The following AGBL1 variants were observed in gnomAD, a reference collection of about 807,000 sequenced individuals.
The protein encoded by AGBL1 is AGBL carboxypeptidase 1.
A neutral mutation model predicts 118.9 loss-of-function variants in AGBL1; 130 were observed. That is an observed-to-expected ratio of 1.09 (90% CI 0.95 to 1.26). AGBL1 has a LOEUF of 1.26. Ranked by LOEUF, AGBL1 falls within the 50% of genes most tolerant of loss-of-function variation. The pLI, the probability that AGBL1 is intolerant of heterozygous loss-of-function variation, is 0.00. For synonymous variants in AGBL1, 555 were observed against 478.9 expected (o/e 1.16, Z -2.08); for missense variants, 1,584 against 1,298.1 (o/e 1.22, Z -3.38).
chr15:86,668,991 C>T (rs2085694426), intron 21 of AGBL1, among the ~76,000 whole-genome samples: 1 of 152,124 alleles, frequency 6.6e-6, no homozygotes, highest in Non-Finnish European at 1.5e-5. Context: ...AAAATTCTCT[C>T]TATAGTGGTT....
chr15:86,374,468 G>T (rs557197127), intron 17 of AGBL1, among the ~76,000 whole-genome samples: 1 of 152,184 alleles, frequency 6.6e-6, no homozygotes, highest in African/African-American at 2.4e-5. Context: ...CATGTGACTT[G>T]TCTTGTGTAT....
At chr15:86,938,092 T>C (rs1296358033) in intron 23 of AGBL1, among the ~76,000 whole-genome samples, 2 of 152,176 alleles carry the variant, frequency 1.3e-5, no homozygotes, top group Admixed American at 1.3e-4. Flanking sequence ...CAGCAACATA[T>C]CCATTCCAAG....
Position 86,442,183 on chromosome 15 carries a change from G to A in AGBL1, c.2555+44637G>A, listed in dbSNP as rs557556172. 1.3e-3 allele frequency among the ~76,000 whole-genome samples: 203 copies of A among 152,286 alleles called. 1 individual carries two copies. The highest frequency in any genetic ancestry group is 4.7e-3 in the African/African-American group (197 of 41,544). ...GTGTGGTATTCAGCTAGGTTTAAAG[G>A]CATATGGTCAGGTCAGAAAAAGAAA... On this transcript the variant is annotated intron_variant, in intron 18 of 22. Coordinates refer to ENST00000614907, the MANE Select transcript of AGBL1 (RefSeq NM_001386094.1).
At chr15:86,630,612 G>A (rs1477277020) in intron 21 of AGBL1, 2 of 152,248 alleles carry the variant, frequency 1.3e-5, no homozygotes, top group East Asian at 3.9e-4. Context: ...TCTTTGAGTT[G>A]TCTTAATTCC....
At chr15:86,327,738 A>C (rs1335139310) in intron 17 of AGBL1, among the ~76,000 whole-genome samples, 1 of 152,234 alleles carries the variant, frequency 6.6e-6, no homozygotes, top group Non-Finnish European at 1.5e-5. Flanking sequence ...AAAACTCAGA[A>C]AGGAATCAGA....
chr15:86,776,391 T>G (rs2078255381), intron 22 of AGBL1, among the ~76,000 whole-genome samples: 1 of 152,084 alleles, frequency 6.6e-6, no homozygotes, highest in Non-Finnish European at 1.5e-5. Context: ...TTTACCTTCA[T>G]TTTCTGATTA....
intron 18 of AGBL1, among the ~76,000 whole-genome samples, chr15:86,443,828 C>T (rs1368819473): frequency 6.6e-6 from 1 of 151,692 alleles, no homozygotes; most frequent in Non-Finnish European, 1.5e-5. Context: ...ATATAGGCCA[C>T]ATTTTCTTTA....
Position 86,301,045 on chromosome 15 carries a change from T to G in AGBL1, c.2374+5637T>G, listed in dbSNP as rs918076020. Among the ~76,000 whole-genome samples, 15 of 152,212 alleles carry G rather than the reference T, an allele frequency of 9.9e-5. 1 individual carries two copies. Among genetic ancestry groups the G allele is most frequent in the African/African-American group, 3.6e-4 (15 of 41,468 alleles). On this transcript the variant is annotated intron_variant, in intron 17 of 22. Coordinates refer to ENST00000614907, the MANE Select transcript of AGBL1 (RefSeq NM_001386094.1). ...ATCATTTTCCACTCTCTCTGGCCTT[T>G]GTCTCTTTCTAAGCCTCCTGATCAG...
intron 22 of AGBL1, among the ~76,000 whole-genome samples, chr15:86,857,810 C>G (rs2079504814): frequency 6.6e-6 from 1 of 152,206 alleles, no homozygotes; most frequent in Non-Finnish European, 1.5e-5. Flanking sequence ...TAAATATTCA[C>G]TGGCATGATG....
At chr15:86,497,082 G>C (rs2082863804) in intron 18 of AGBL1, among the ~76,000 whole-genome samples, 2 of 151,852 alleles carry the variant, frequency 1.3e-5, no homozygotes, top group South Asian at 4.2e-4. Flanking sequence ...TAGCAAAGCT[G>C]ACTTATCTAG....
At chr15:86,810,453 C>A (rs1275552153) in intron 22 of AGBL1, among the ~76,000 whole-genome samples, 1 of 152,064 alleles carries the variant, frequency 6.6e-6, no homozygotes, top group Non-Finnish European at 1.5e-5. Flanking sequence ...TTTCTTCTTG[C>A]CATTTTTCTC....
At chr15:86,118,232 C>A (rs1897879514) in intron 1 of AGBL1, among the ~76,000 whole-genome samples, 1 of 152,152 alleles carries the variant, frequency 6.6e-6, no homozygotes, top group Non-Finnish European at 1.5e-5. Flanking sequence ...AGCCCTAGTT[C>A]ATCTTGTCTT....
intron 17 of AGBL1, among the ~76,000 whole-genome samples, chr15:86,314,222 C>T (rs1388862684): frequency 1.3e-5 from 2 of 152,220 alleles, no homozygotes; most frequent in African/African-American, 4.8e-5. Context: ...AATGGCCTCC[C>T]ACTCTGAGAG....
At chr15:86,437,915 C>G (rs1479860532) in intron 18 of AGBL1, among the ~76,000 whole-genome samples, 1 of 151,852 alleles carries the variant, frequency 6.6e-6, no homozygotes, top group Admixed American at 6.6e-5. Flanking sequence ...TTTTCTTTCT[C>G]TTTTTTTGGA....
At chr15:87,009,030 A>C (rs921858123) in intron 24 of AGBL1, among the ~76,000 whole-genome samples, 1 of 152,156 alleles carries the variant, frequency 6.6e-6, no homozygotes, top group Admixed American at 6.5e-5. Context: ...TCTGAGGAAA[A>C]ATTCAAGCTG....
intron 1 of AGBL1, among the ~76,000 whole-genome samples, chr15:86,114,432 T>G (rs1200184595): frequency 6.6e-6 from 1 of 152,204 alleles, no homozygotes; most frequent in African/African-American, 2.4e-5. Context: ...AGACATTCTC[T>G]GTTGCAGATC....
intron 1 of AGBL1, among the ~76,000 whole-genome samples, chr15:86,132,160 A>G (rs1404815389): frequency 6.6e-6 from 1 of 152,156 alleles, no homozygotes; most frequent in East Asian, 1.9e-4. Flanking sequence ...GCGCAAAGAC[A>G]GCAGGGTCGA....
intron 22 of AGBL1, among the ~76,000 whole-genome samples, chr15:86,754,773 T>C (rs1180489645): frequency 6.6e-6 from 1 of 152,100 alleles, no homozygotes; most frequent in Admixed American, 6.6e-5. Context: ...CATCCTTTTA[T>C]CTTTTTGTGT....
chr15:86,885,852 G>C (rs1033336870), intron 22 of AGBL1, among the ~76,000 whole-genome samples: 3 of 152,054 alleles, frequency 2.0e-5, no homozygotes, highest in Non-Finnish European at 2.9e-5. Context: ...TCGAATCCCT[G>C]GGTGTTTCAG....
Sources: allele counts gnomAD v4.1 joint callset (sites outside exome capture counted in the v4.1 genomes callset), GRCh38; gene constraint gnomAD v4.1.1; transcripts MANE v1.5; gene names NCBI Gene and HGNC (gene_info 2026-07-23, HGNC 2026-07-21).